The following MAK16 variants were observed in gnomAD, a reference collection of about 807,000 sequenced individuals.
The protein encoded by MAK16 is MAK16 homolog.
A neutral mutation model predicts 49.9 loss-of-function variants in MAK16; 12 were observed. The observed-to-expected ratio is 0.24, with a 90% CI of 0.15 to 0.39. The LOEUF (loss-of-function observed/expected upper bound fraction) is 0.39. Among genes scored for constraint, MAK16 ranks in the 10% least tolerant of loss-of-function variants. MAK16 has a pLI of 1.00. For synonymous variants in MAK16, 115 were observed against 126.4 expected, an observed-to-expected ratio of 0.91 and a Z score of 0.60; for missense variants, 292 against 363.7, an observed-to-expected ratio of 0.80 and a Z score of 1.60.
chr8:33,488,084 A>G (rs1429201003), intron 1 of MAK16, among the ~76,000 whole-genome samples: 1 of 152,128 alleles, frequency 6.6e-6, no homozygotes, highest in Admixed American at 6.6e-5. Context: ...ATGCGCCACC[A>G]TGCCCAGCTA....
chr8:33,496,638 A>T lies in MAK16; in HGVS notation c.536A>T (p.Tyr179Phe), dbSNP rs761480109. 6.2e-7 allele frequency: 1 copy of T among 1,613,148 alleles called. No homozygotes were observed. The highest frequency in any genetic ancestry group is 1.1e-5 in the South Asian group (1 of 91,006). ...TATGTTCTTCAGTATGGCGACATCT[A>T]CAACTTCCCCATTCATGCCTTCGAC... Reference protein sequence around the residue: ...RLKQDTYGDIYNFPIHAFDKA... With the variant: ...RLKQDTYGDIFNFPIHAFDKA... Residue 179 changes from tyrosine to phenylalanine, a missense_variant, in exon 8 of 10, where the codon TAC (tyrosine) becomes TTC (phenylalanine). Tyr to Phe is a conservative substitution (Grantham distance 22). Transcript: ENST00000360128.
chr8:33,498,292 A>T (rs1250460633), intron 9 of MAK16, 140 bp from the exon 10 acceptor site: 2 of 722,656 alleles, frequency 2.8e-6, no homozygotes, highest in Non-Finnish European at 4.3e-6. Flanking sequence ...AAAAAAAAAA[A>T]TTAAAGAAAG....
At chr8:33,488,838 A>G (rs760513018) in intron 4 of MAK16, 40 bp downstream of exon 4, 15 of 1,610,316 alleles carry the variant, frequency 9.3e-6, no homozygotes, top group Non-Finnish European at 1.2e-5. Context: ...GCTGATCAAG[A>G]GCATCAAAGC....
Position 33,498,917 on chromosome 8 carries a change from AAATATTTCTAAATTT to A in MAK16, c.*289_*303del. The A allele has an allele frequency of 1.7e-6, 1 of 576,970 alleles. No individual in the cohort carries two copies. The highest frequency in any genetic ancestry group is 3.0e-6 in the Non-Finnish European group (1 of 327,998). The allele number at this position is 576,970 out of a possible 1,614,324, so 35.7% of individuals were successfully genotyped here. A position where few individuals can be genotyped will look rare whatever the true frequency, so the allele number is the denominator to read the frequency against. ...GAATCTGGGATGAGATGACGGATGTAAATATTTCTAAATTTTAAATGCTACATTACTTGGTGTCCT... is the reference window on the plus strand; with the variant it reads ...GAATCTGGGATGAGATGACGGATGTATAAATGCTACATTACTTGGTGTCCT... On this transcript the variant is annotated 3_prime_UTR_variant, in exon 10 of 10. Transcript: ENST00000360128.
Position 33,498,876 on chromosome 8 carries a change from T to TTG in MAK16, c.*247_*248insTG. 1.7e-6 allele frequency: 1 copy of TTG among 583,396 alleles called. No homozygotes were observed. Among genetic ancestry groups the TTG allele is most frequent in the Non-Finnish European group, 3.0e-6 (1 of 331,850 alleles). 36.1% of individuals were successfully genotyped at this position (583,396 alleles called of 1,614,324 possible). A position where few individuals can be genotyped will look rare whatever the true frequency, so the allele number is the denominator to read the frequency against. On this transcript the variant is annotated 3_prime_UTR_variant, in exon 10 of 10. Transcript: ENST00000360128. The stretch of plus-strand genomic sequence containing the variant: ...AGTAACAGCTTGTGCCCGAGAAACT[T>TTG]AACAGATGAGTTCTTGAATCTGGGA...
Position 33,498,625 on chromosome 8 carries a change from C to T in MAK16, c.899C>T (p.Thr300Met), listed in dbSNP as rs764733727. Residue 300 changes from threonine (T) to methionine (M), a missense_variant, in exon 10 of 10, where the codon ACG becomes ATG. Physicochemically the swap from Thr to Met is moderately conservative, Grantham distance 81. Transcript: ENST00000360128. ...GAGCCCGTGGCCAAAGCCAAAACCACGTGATTTCCCTTTCAGCATTTATAC... is the reference window on the plus strand; with the variant it reads ...GAGCCCGTGGCCAAAGCCAAAACCATGTGATTTCCCTTTCAGCATTTATAC... ...ETEPVAKAKT[T>M] 22 of 1,611,990 alleles carry T rather than the reference C, an allele frequency of 1.4e-5. No homozygotes were observed. Among genetic ancestry groups the T allele is most frequent in the Admixed American group, 5.0e-5 (3 of 59,918 alleles).
chr8:33,485,441 C>T (rs878882054), intron 1 of MAK16: 1 of 625,778 alleles, frequency 1.6e-6, no homozygotes, highest in Non-Finnish European at 2.9e-6. Flanking sequence ...GACTCCGTCA[C>T]CTCAGCCCAT....
At position 33,498,542 on chromosome 8, in the gene MAK16, G is replaced by C; in HGVS notation, c.816G>C (p.Leu272Phe). The change falls in exon 10 of 10, where the codon TTG becomes TTC. Residue 272 changes from leucine to phenylalanine, a missense_variant. Physicochemically the swap from Leu to Phe is conservative, Grantham distance 22. Transcript: ENST00000360128. ...CGAAACACAAAGGCAAAATGCCCTTGAGAGGACCACTGCAGAGAAAACGAG... is the reference window on the plus strand; with the variant it reads ...CGAAACACAAAGGCAAAATGCCCTTCAGAGGACCACTGCAGAGAAAACGAG... ...LSAKHKGKMP[L>F]RGPLQRKRAY... 6.2e-7 allele frequency: 1 copy of C among 1,614,138 alleles called. No individual in the cohort carries two copies. Among genetic ancestry groups the C allele is most frequent in the Non-Finnish European group, 8.5e-7 (1 of 1,180,016 alleles).
rs185769835 is a variant in MAK16, at chr8:33,489,257, G to A, written c.392+118G>A. ...TCAACTTTGTGGAGTCTGTTATGAT[G>A]TACTAAAGAGAAACTTTAGCTTTGA... On this transcript the variant is annotated intron_variant, in intron 5 of 9. Transcript: ENST00000360128. This position sits in a 1 kb window ranked among gnomAD's most constrained non-coding sequence, Gnocchi z 4.2. The A allele has an allele frequency of 3.5e-5, 30 of 854,962 alleles. No homozygotes were observed. In the Admixed American group the frequency reaches 8.4e-4, roughly 24 times the overall value. 53.0% of individuals were successfully genotyped at this position (854,962 alleles called of 1,614,324 possible). A position where few individuals can be genotyped will look rare whatever the true frequency, so the allele number is the denominator to read the frequency against.
At chr8:33,490,383 T>TA (rs1554525187) in intron 6 of MAK16, 44 bp downstream of exon 6, 1 of 1,536,186 alleles carries the variant, frequency 6.5e-7, no homozygotes, top group Non-Finnish European at 9.0e-7. Flanking sequence ...ATTTTCTTTC[T>TA]GGGGGTCTCT....
Position 33,498,996 on chromosome 8 carries a change from A to C in MAK16, c.*367A>C. 3.2e-6 allele frequency: 2 copies of C among 620,116 alleles called. No individual in the cohort carries two copies. The highest frequency in any genetic ancestry group is 6.0e-5 in the Admixed American group (2 of 33,410). The allele number at this position is 620,116 out of a possible 1,614,324, so 38.4% of individuals were successfully genotyped here. On this transcript the variant is annotated 3_prime_UTR_variant, in exon 10 of 10. Transcript: ENST00000360128. Reference sequence around the variant, plus strand: ...CTTTATTTAGAAATGGAAGGAGTTCAATTTTTTCTTGTTCTACTTTCCCTA... The same window carrying C: ...CTTTATTTAGAAATGGAAGGAGTTCCATTTTTTCTTGTTCTACTTTCCCTA...
At position 33,498,966 on chromosome 8, in the gene MAK16, C is replaced by G; in HGVS notation, c.*337C>G. On this transcript the variant is annotated 3_prime_UTR_variant, in exon 10 of 10. Transcript: ENST00000360128. ...ACATTACTTGGTGTCCTTTTTTCTCCCAAACTTTATTTAGAAATGGAAGGA... is the reference window on the plus strand; with the variant it reads ...ACATTACTTGGTGTCCTTTTTTCTCGCAAACTTTATTTAGAAATGGAAGGA... 3.4e-6 allele frequency: 2 copies of G among 587,174 alleles called. No individual in the cohort carries two copies. Among genetic ancestry groups the G allele is most frequent in the South Asian group, 4.4e-5 (2 of 45,932 alleles). The allele number at this position is 587,174 out of a possible 1,614,324, so 36.4% of individuals were successfully genotyped here. A position where few individuals can be genotyped will look rare whatever the true frequency, so the allele number is the denominator to read the frequency against.
In MAK16 at chr8:33,495,531, C is replaced by A. The variant is rs80251052; in HGVS notation, c.448-11C>A. On this transcript the variant is annotated splice_polypyrimidine_tract_variant and intron_variant, in intron 6 of 9. Transcript: ENST00000360128. ...GATGAATTAAACAGATTTGCTCTTT[C>A]CCCCTTATAGGAAAAGGCATTAATA... 504 of 1,610,310 alleles carry A rather than the reference C, an allele frequency of 3.1e-4. 5 individuals are homozygous for A. The African/African-American group carries it at 6.3e-3, about 20-fold the overall frequency.
At position 33,498,601 on chromosome 8, in the gene MAK16, A is replaced by G. The variant is rs973010406; in HGVS notation, c.875A>G (p.Glu292Gly). Residue 292 changes from glutamate (E) to glycine (G), a missense_variant, in exon 10 of 10, where the codon GAG (glutamate) becomes GGG (glycine). Physicochemically the swap from Glu to Gly is moderately conservative, Grantham distance 98 (BLOSUM62 -2). Coordinates refer to ENST00000360128, the MANE Select transcript of MAK16 (RefSeq NM_032509.4). Reference protein sequence around the residue: ...YVEIEYEQETEPVAKAKTT With the variant: ...YVEIEYEQETGPVAKAKTT Reference sequence around the variant, plus strand: ...GAAATAGAATACGAGCAGGAGACAGAGCCCGTGGCCAAAGCCAAAACCACG... The same window carrying G: ...GAAATAGAATACGAGCAGGAGACAGGGCCCGTGGCCAAAGCCAAAACCACG... 1.9e-6 allele frequency: 3 copies of G among 1,613,816 alleles called. No homozygotes were observed. Among genetic ancestry groups the G allele is most frequent in the Admixed American group, 1.7e-5 (1 of 59,980 alleles).
intron 1 of MAK16, among the ~76,000 whole-genome samples, chr8:33,487,291 C>T (rs1406666176): frequency 6.6e-6 from 1 of 152,050 alleles, no homozygotes; most frequent in Non-Finnish European, 1.5e-5. Flanking sequence ...GATGTCAGTG[C>T]CTTACATAAA....
chr8:33,497,595 C>T (rs1443379795), intron 9 of MAK16, among the ~76,000 whole-genome samples: 1 of 151,800 alleles, frequency 6.6e-6, no homozygotes, highest in Admixed American at 6.6e-5. Context: ...CGGGTTCAAG[C>T]GATTCTCCTC....
At chr8:33,490,167 C>T (rs1254842684) in intron 5 of MAK16, 118 bp from the exon 6 acceptor site, 2 of 759,120 alleles carry the variant, frequency 2.6e-6, no homozygotes, top group Non-Finnish European at 4.3e-6. Context: ...AGCCATCCTG[C>T]CCTGCACATG....
At chr8:33,496,826 C>G in intron 8 of MAK16, 85 bp downstream of exon 8, 1 of 1,006,216 alleles carries the variant, frequency 9.9e-7, no homozygotes, top group South Asian at 1.7e-5. Context: ...AGTCCGCTAA[C>G]CAAAAATGAT....
Position 33,489,271 on chromosome 8 carries a change from CTT to C in MAK16, c.392+134_392+135del. ...TCTGTTATGATGTACTAAAGAGAAA[CTT>C]TAGCTTTGACTAAAGGTGTGCCCTT... On this transcript the variant is annotated intron_variant, in intron 5 of 9. Coordinates refer to ENST00000360128, the MANE Select transcript of MAK16 (RefSeq NM_032509.4). The surrounding 1 kb of genome is among the most constrained non-coding windows in gnomAD (Gnocchi z 4.2). The C allele has an allele frequency of 5.2e-6, 4 of 773,000 alleles. No homozygotes were observed. In the South Asian group the frequency reaches 7.6e-5, roughly 15 times the overall value. The allele number at this position is 773,000 out of a possible 1,614,324, so 47.9% of individuals were successfully genotyped here. A position where few individuals can be genotyped will look rare whatever the true frequency, so the allele number is the denominator to read the frequency against.
Sources: gnomAD v4.1 joint callset for allele counts (sites outside exome capture counted in the v4.1 genomes callset) on GRCh38, gnomAD v4.1.1 for gene constraint, Gnocchi (gnomAD v3.1) non-coding constraint, MANE v1.5 for transcripts, NCBI Gene and HGNC (gene_info 2026-07-23, HGNC 2026-07-21) for gene names.